Variants in PDE7B observed in about 807,000 individuals in gnomAD.
PDE7B encodes the protein phosphodiesterase 7B, also known as 3',5'-cyclic-AMP phosphodiesterase 7B.
Under a neutral mutation model 56.2 loss-of-function variants are expected in PDE7B, and 29 were observed. The observed-to-expected ratio is 0.52, with a 90% confidence interval of 0.38 to 0.70. PDE7B has a LOEUF of 0.70. PDE7B is among the 30% of genes least tolerant of loss of function. The probability of loss-of-function intolerance (pLI) is 0.00; values close to 1 mark genes in which losing one functional copy is unlikely to be tolerated. For synonymous variants in PDE7B, 197 were observed against 196.9 expected (o/e 1.00, Z 0.00); for missense variants, 490 against 565.0 (o/e 0.87, Z 1.35).
chr6:135,859,229 T>C (rs1583709143), intron 1 of PDE7B, among the ~76,000 whole-genome samples: 2 of 152,258 alleles, frequency 1.3e-5, no homozygotes, highest in Admixed American at 6.5e-5. Flanking sequence ...GAAAAGGTCA[T>C]TAAATCTAAG....
intron 8 of PDE7B, among the ~76,000 whole-genome samples, chr6:136,173,153 C>A (rs1027653394): frequency 5.3e-5 from 8 of 152,298 alleles, no homozygotes; most frequent in Middle Eastern, 3.4e-3. Flanking sequence ...GAAAAAACTA[C>A]TTTAAAGTTC....
Position 136,192,060 on chromosome 6 carries a change from A to C in PDE7B, c.*220A>C. 1.8e-6 allele frequency: 1 copy of C among 564,854 alleles called. No homozygotes were observed. Among genetic ancestry groups the C allele is most frequent in the Middle Eastern group, 4.8e-4 (1 of 2,070 alleles). 35.0% of individuals were successfully genotyped at this position (564,854 alleles called of 1,614,324 possible). Reference sequence around the variant, plus strand: ...ATTCGCTGCCGAAATGAGCAACTCCATTCAGTAACGTGGGAGCTGATCCCA... The same window carrying C: ...ATTCGCTGCCGAAATGAGCAACTCCCTTCAGTAACGTGGGAGCTGATCCCA... On this transcript the variant is annotated 3_prime_UTR_variant, in exon 13 of 13. Coordinates refer to ENST00000308191, the MANE Select transcript of PDE7B (RefSeq NM_018945.4).
At chr6:136,049,032 T>C (rs1193167217) in intron 2 of PDE7B, 1 of 152,206 alleles carries the variant, frequency 6.6e-6, no homozygotes, top group Non-Finnish European at 1.5e-5. Flanking sequence ...GTTGTCGCCA[T>C]AGTCTCAGAA....
chr6:136,139,212 A>G (rs546294368), intron 3 of PDE7B, among the ~76,000 whole-genome samples: 1 of 152,276 alleles, frequency 6.6e-6, no homozygotes, highest in East Asian at 1.9e-4. Context: ...GAGTGAGAAC[A>G]TGCAGTGTTT....
chr6:135,875,972 A>G (rs576842515), intron 1 of PDE7B, among the ~76,000 whole-genome samples: 3 of 152,280 alleles, frequency 2.0e-5, no homozygotes, highest in East Asian at 3.9e-4. Context: ...ACACACCAAG[A>G]CAAAATTAGA....
At chr6:135,908,887 G>C (rs945799923) in intron 1 of PDE7B, among the ~76,000 whole-genome samples, 3 of 152,190 alleles carry the variant, frequency 2.0e-5, no homozygotes, top group Non-Finnish European at 4.4e-5. Context: ...GTCTGTTATA[G>C]TATGAACGAA....
At chr6:135,964,159 A>C (rs540434584) in intron 2 of PDE7B, among the ~76,000 whole-genome samples, 1 of 151,664 alleles carries the variant, frequency 6.6e-6, no homozygotes, top group East Asian at 1.9e-4. Flanking sequence ...AGCTGGAGTC[A>C]GTGGTGCAAT....
intron 1 of PDE7B, among the ~76,000 whole-genome samples, chr6:135,892,630 A>G (rs1775828617): frequency 6.6e-6 from 1 of 152,152 alleles, no homozygotes; most frequent in Non-Finnish European, 1.5e-5. Context: ...CTTCTATATT[A>G]TTCAAATACC....
intron 1 of PDE7B, among the ~76,000 whole-genome samples, chr6:135,904,021 C>A (rs1285266222): frequency 6.6e-6 from 1 of 151,602 alleles, no homozygotes; most frequent in Non-Finnish European, 1.5e-5. Flanking sequence ...AAAAATATTA[C>A]CAACTAAGTA....
intron 2 of PDE7B, among the ~76,000 whole-genome samples, chr6:135,963,835 C>T (rs1774947410): frequency 6.6e-6 from 1 of 152,050 alleles, no homozygotes; most frequent in African/African-American, 2.4e-5. Context: ...ATGAAGGGGG[C>T]TACCTCTGCT....
At chr6:136,075,658 C>T (rs1048096852) in intron 2 of PDE7B, among the ~76,000 whole-genome samples, 1 of 152,174 alleles carries the variant, frequency 6.6e-6, no homozygotes, top group African/African-American at 2.4e-5. Context: ...GTTTCATGGC[C>T]ATCTCTTCTC....
intron 2 of PDE7B, among the ~76,000 whole-genome samples, chr6:135,955,289 G>A (rs1774771976): frequency 6.6e-6 from 1 of 151,894 alleles, no homozygotes; most frequent in South Asian, 2.1e-4. Context: ...GGAAGGGGAA[G>A]GGGAAGGGTG....
chr6:135,974,801 C>A (rs1041209829), intron 2 of PDE7B, among the ~76,000 whole-genome samples: 1 of 152,194 alleles, frequency 6.6e-6, no homozygotes, highest in South Asian at 2.1e-4. Flanking sequence ...CTGGTGTCAC[C>A]TTTTCTGATC....
At chr6:135,953,483 C>T (rs925947569) in intron 2 of PDE7B, among the ~76,000 whole-genome samples, 1 of 151,972 alleles carries the variant, frequency 6.6e-6, no homozygotes, top group Non-Finnish European at 1.5e-5. Flanking sequence ...GAATAATAAG[C>T]AATAATAACA....
Position 135,851,834 on chromosome 6 carries a change from T to C in PDE7B, c.-165T>C. 1.6e-6 allele frequency: 1 copy of C among 617,186 alleles called. No homozygotes were observed. Among genetic ancestry groups the C allele is most frequent in the East Asian group, 2.8e-5 (1 of 36,348 alleles). 38.2% of individuals were successfully genotyped at this position (617,186 alleles called of 1,614,324 possible). A position where few individuals can be genotyped will look rare whatever the true frequency, so the allele number is the denominator to read the frequency against. ...CGATCTCCTTGTGTGCTTTTGTGTT[T>C]CTTTATTTCTTTTCCTTTTTTTTCT... On this transcript the variant is annotated 5_prime_UTR_variant, in exon 1 of 13. Coordinates refer to ENST00000308191, the MANE Select transcript of PDE7B (RefSeq NM_018945.4).
intron 3 of PDE7B, among the ~76,000 whole-genome samples, chr6:136,131,494 GTTTTTTTTTTT>G (rs1201361799): frequency 3.5e-5 from 3 of 84,712 alleles, no homozygotes; most frequent in African/African-American, 1.4e-4. Context: ...ATCCTGGCAG[GTTTTTTTTTTT>G]TTTTTTTTTT....
In PDE7B at chr6:136,130,365, T is replaced by C. The variant is rs868543706; in HGVS notation, c.167-16986T>C. 3.2e-4 allele frequency among the ~76,000 whole-genome samples: 49 copies of C among 152,160 alleles called. 1 individual carries two copies. The Middle Eastern group carries it at 0.024, about 74-fold the overall frequency. On this transcript the variant is annotated intron_variant, in intron 3 of 12. Transcript: ENST00000308191. ...TTTTCTACTGCTCTGTCTCCTCACC[T>C]CTCTACCTGACCACACCCCCTACAT...
At chr6:136,082,699 T>C (rs373515218) in intron 2 of PDE7B, among the ~76,000 whole-genome samples, 78 of 152,302 alleles carry the variant, frequency 5.1e-4, no homozygotes, top group African/African-American at 1.8e-3. Flanking sequence ...GTTTCTGATA[T>C]TTGCCTTTAG....
At chr6:135,952,976 A>G (rs1286662347) in intron 2 of PDE7B, among the ~76,000 whole-genome samples, 1 of 152,142 alleles carries the variant, frequency 6.6e-6, no homozygotes, top group East Asian at 1.9e-4. Context: ...ACAGCCATTC[A>G]TCAGCTACTT....
Sources: gnomAD v4.1 joint callset for allele counts (sites outside exome capture counted in the v4.1 genomes callset) on GRCh38, gnomAD v4.1.1 for gene constraint, MANE v1.5 for transcripts, NCBI Gene and HGNC (gene_info 2026-07-23, HGNC 2026-07-21) for gene names.